The following TBC1D5 variants were observed in gnomAD, a reference collection of about 807,000 sequenced individuals.
The protein encoded by TBC1D5 is TBC1 domain family member 5.
TBC1D5 carries 75 observed loss-of-function variants against 100.3 expected under a neutral mutation model. The ratio of observed to expected loss-of-function variants is 0.75; its 90% CI spans 0.62 to 0.91. TBC1D5 has a LOEUF of 0.91. Ranked by LOEUF, TBC1D5 falls within the 40% of genes least tolerant of loss-of-function variation. TBC1D5 has a pLI of 0.00. For synonymous variants in TBC1D5, 323 were observed against 325.6 expected (o/e 0.99, Z 0.09); for missense variants, 910 against 942.4 (o/e 0.97, Z 0.45).
intron 8 of TBC1D5, among the ~76,000 whole-genome samples, chr3:17,388,697 A>G (rs1172462518): frequency 1.3e-5 from 2 of 151,318 alleles, no homozygotes; most frequent in East Asian, 3.9e-4. Flanking sequence ...AAAAAAAAAA[A>G]AAAAAGTAAA....
chr3:17,225,256 T>C (rs1025992516), intron 17 of TBC1D5, among the ~76,000 whole-genome samples: 1 of 151,860 alleles, frequency 6.6e-6, no homozygotes, highest in African/African-American at 2.4e-5. Context: ...CTGGCCAACA[T>C]GGTGAAACCC....
chr3:17,529,762 T>C (rs1248402164), intron 2 of TBC1D5, among the ~76,000 whole-genome samples: 2 of 151,968 alleles, frequency 1.3e-5, no homozygotes, highest in African/African-American at 4.8e-5. Context: ...TCCTCCTGCC[T>C]CAGCCTCTCG....
intron 13 of TBC1D5, among the ~76,000 whole-genome samples, chr3:17,339,345 C>G (rs908111955): frequency 6.6e-5 from 10 of 152,212 alleles, no homozygotes; most frequent in Non-Finnish European, 1.3e-4. Context: ...TTCCGCTCAC[C>G]TTGCCAAGTC....
intron 19 of TBC1D5, among the ~76,000 whole-genome samples, chr3:17,181,801 CAG>C (rs1203821093): frequency 6.6e-6 from 1 of 152,156 alleles, no homozygotes; most frequent in African/African-American, 2.4e-5. Context: ...CCACTGTTAA[CAG>C]TATTTTCAGG....
intron 9 of TBC1D5, 64 bp downstream of exon 9, chr3:17,383,849 C>T: frequency 7.8e-7 from 1 of 1,274,344 alleles, no homozygotes; most frequent in South Asian, 1.4e-5. Flanking sequence ...ATTGCTCTAT[C>T]ATTTGTCAAG....
chr3:17,679,846 T>G (rs915299561), intron 1 of TBC1D5, among the ~76,000 whole-genome samples: 1 of 151,562 alleles, frequency 6.6e-6, no homozygotes, highest in Non-Finnish European at 1.5e-5. Flanking sequence ...TTGTGGTACT[T>G]GGGACAATCT....
At chr3:17,308,349 C>T (rs1037034182) in intron 13 of TBC1D5, among the ~76,000 whole-genome samples, 12 of 151,838 alleles carry the variant, frequency 7.9e-5, no homozygotes, top group African/African-American at 1.5e-4. Flanking sequence ...TATATACACA[C>T]GTATTATACA....
chr3:17,707,708 TCA>T (rs2074313393), intron 1 of TBC1D5, among the ~76,000 whole-genome samples: 1 of 152,166 alleles, frequency 6.6e-6, no homozygotes, highest in Non-Finnish European at 1.5e-5. Flanking sequence ...AACAGCTTCT[TCA>T]CAGTTATACA....
At chr3:17,599,019 CA>C (rs1346918720) in intron 2 of TBC1D5, among the ~76,000 whole-genome samples, 1 of 152,024 alleles carries the variant, frequency 6.6e-6, no homozygotes, top group African/African-American at 2.4e-5. Context: ...GACTGAGAAA[CA>C]AAAGAACAGA....
chr3:17,420,521 G>A (rs988811556), intron 4 of TBC1D5, among the ~76,000 whole-genome samples: 1 of 151,890 alleles, frequency 6.6e-6, no homozygotes, highest in African/African-American at 2.4e-5. Flanking sequence ...AAATAAATAA[G>A]CAAGATATTG....
At chr3:17,495,983 T>C (rs1395661997) in intron 3 of TBC1D5, among the ~76,000 whole-genome samples, 3 of 152,210 alleles carry the variant, frequency 2.0e-5, no homozygotes. Context: ...GTGTTTACCT[T>C]TCCATGTACT....
intron 13 of TBC1D5, among the ~76,000 whole-genome samples, chr3:17,331,189 T>C (rs1465933548): frequency 6.6e-6 from 1 of 152,196 alleles, no homozygotes; most frequent in Non-Finnish European, 1.5e-5. Context: ...TTAACCGAGA[T>C]GGTAAGGCTC....
chr3:17,716,054 AAAAAAAG>A (rs1172181757), intron 1 of TBC1D5, among the ~76,000 whole-genome samples: 6 of 152,142 alleles, frequency 3.9e-5, no homozygotes, highest in East Asian at 1.9e-4. Context: ...TTCCATCTCA[AAAAAAAG>A]AAAAAAGAAA....
chr3:17,658,950 G>A lies in TBC1D5; in HGVS notation c.-100-35037C>T, dbSNP rs548353589. Among the ~76,000 whole-genome samples the A allele has an allele frequency of 1.5e-4, 23 of 152,218 alleles. 1 individual carries two copies. The Middle Eastern group carries it at 0.01, about 68-fold the overall frequency. On this transcript the variant is annotated intron_variant, in intron 1 of 21. Coordinates refer to ENST00000253692, the Ensembl canonical transcript of TBC1D5. ...TGGGATTACAGGTGTGAGTCACTGC[G>A]CCCAGCCAGTTATGGTTCTTAATAC...
chr3:17,290,816 A>G (rs546525423), intron 15 of TBC1D5, among the ~76,000 whole-genome samples: 9 of 152,334 alleles, frequency 5.9e-5, no homozygotes, highest in African/African-American at 2.2e-4. Flanking sequence ...ATAATGGATT[A>G]TATTTCTGAT....
intron 4 of TBC1D5, among the ~76,000 whole-genome samples, chr3:17,412,345 A>G (rs2093949040): frequency 6.6e-6 from 1 of 152,182 alleles, no homozygotes; most frequent in Non-Finnish European, 1.5e-5. Context: ...AAATAACAGT[A>G]GCACCATAGC....
At chr3:17,568,475 T>C (rs2096606671) in intron 2 of TBC1D5, among the ~76,000 whole-genome samples, 1 of 151,418 alleles carries the variant, frequency 6.6e-6, no homozygotes, top group South Asian at 2.1e-4. Context: ...AAAGAACTAA[T>C]TTTTATAATT....
At chr3:17,364,452 T>A (rs1448981554) in intron 13 of TBC1D5, among the ~76,000 whole-genome samples, 1 of 152,240 alleles carries the variant, frequency 6.6e-6, no homozygotes, top group Admixed American at 6.5e-5. Context: ...AATTCAAGGC[T>A]ATTGTATGTC....
Position 17,482,172 on chromosome 3 carries a change from T to C in TBC1D5, c.97+26302A>G, listed in dbSNP as rs150239735. On this transcript the variant is annotated intron_variant, in intron 3 of 21. Transcript: ENST00000253692. ...TGATCCAAAACTTAAACAAGAGTCA[T>C]GTATTTTGATATCTGATAACATATA... 2.0e-4 allele frequency among the ~76,000 whole-genome samples: 31 copies of C among 152,354 alleles called. No individual in the cohort carries two copies. In the East Asian group the frequency reaches 5.8e-3, roughly 28 times the overall value.
Sources: allele counts gnomAD v4.1 joint callset (sites outside exome capture counted in the v4.1 genomes callset), GRCh38; gene constraint gnomAD v4.1.1; transcripts MANE v1.5; gene names NCBI Gene and HGNC (gene_info 2026-07-23, HGNC 2026-07-21).